GRID1: variants seen among roughly 807,000 people sequenced by gnomAD.
The protein encoded by GRID1 is glutamate receptor ionotropic, delta-1.
In GRID1, 28 loss-of-function variants were observed where a neutral mutation model predicts 98.0. The observed-to-expected ratio is 0.29, with a 90% CI of 0.21 to 0.39. GRID1 has a LOEUF of 0.39. Ranked by LOEUF, GRID1 falls within the 10% of genes least tolerant of loss-of-function variation. The pLI, the probability that GRID1 is intolerant of heterozygous loss-of-function variation, is 1.00. For synonymous variants in GRID1, 553 were observed against 538.5 expected (o/e 1.03, Z -0.37); for missense variants, 1,111 against 1,340.5 (o/e 0.83, Z 2.67).
chr10:85,687,158 G>T (rs938374205), intron 12 of GRID1, among the ~76,000 whole-genome samples: 3 of 151,850 alleles, frequency 2.0e-5, no homozygotes, highest in African/African-American at 7.3e-5. Flanking sequence ...GGATAATTTA[G>T]GAACCAATAT....
intron 4 of GRID1, among the ~76,000 whole-genome samples, chr10:86,050,308 T>C (rs1488311969): frequency 4.6e-5 from 7 of 152,366 alleles, no homozygotes; most frequent in Admixed American, 1.3e-4. Context: ...AAGAAGTATG[T>C]GTGTGTATAT....
intron 4 of GRID1, among the ~76,000 whole-genome samples, chr10:85,926,127 T>G (rs1204962276): frequency 6.6e-6 from 1 of 152,162 alleles, no homozygotes; most frequent in African/African-American, 2.4e-5. Context: ...GAGGAACTCC[T>G]GGCCCAGAAA....
intron 4 of GRID1, among the ~76,000 whole-genome samples, chr10:85,983,049 C>CA (rs915339050): frequency 3.3e-5 from 5 of 152,200 alleles, no homozygotes; most frequent in South Asian, 2.1e-4. Context: ...GGCCCAGAAA[C>CA]ACACAAATTT....
chr10:85,734,018 C>A (rs186175854), intron 8 of GRID1, among the ~76,000 whole-genome samples: 217 of 152,224 alleles, frequency 1.4e-3, no homozygotes, highest in African/African-American at 4.9e-3. Context: ...ATCACATGCA[C>A]TTGTACGACT....
chr10:85,740,209 G>A (rs1292079756), intron 8 of GRID1, among the ~76,000 whole-genome samples: 3 of 152,126 alleles, frequency 2.0e-5, no homozygotes, highest in Non-Finnish European at 4.4e-5. Flanking sequence ...TTCTTCCACA[G>A]ATGAGCTTGG....
intron 11 of GRID1, among the ~76,000 whole-genome samples, chr10:85,723,592 T>A (rs1398389262): frequency 1.3e-5 from 2 of 152,214 alleles, no homozygotes; most frequent in Non-Finnish European, 2.9e-5. Flanking sequence ...GGCTTTCTTT[T>A]AAACCTGAGA....
intron 5 of GRID1, among the ~76,000 whole-genome samples, chr10:85,873,718 C>T (rs1030057953): frequency 6.6e-6 from 1 of 152,168 alleles, no homozygotes; most frequent in African/African-American, 2.4e-5. Context: ...GTAAGCTAAA[C>T]AATGTGTATG....
chr10:86,093,052 A>G (rs1480384525), intron 4 of GRID1, among the ~76,000 whole-genome samples: 1 of 152,236 alleles, frequency 6.6e-6, no homozygotes, highest in Non-Finnish European at 1.5e-5. Flanking sequence ...ACAGTGGAAT[A>G]AAACTGGAAA....
chr10:86,138,754 C>T (rs1383790344), intron 4 of GRID1, 65 bp downstream of exon 4: 9 of 1,354,972 alleles, frequency 6.6e-6, no homozygotes, highest in Non-Finnish European at 9.5e-6. Flanking sequence ...CTGCAGCCCA[C>T]CTGAACCATC....
chr10:86,360,247 A>G (rs191638471), intron 2 of GRID1, among the ~76,000 whole-genome samples: 495 of 152,368 alleles, frequency 3.2e-3, no homozygotes, highest in Non-Finnish European at 5.5e-3. Flanking sequence ...TAGTGATTTC[A>G]GAAAAGGCCA....
intron 4 of GRID1, among the ~76,000 whole-genome samples, chr10:85,951,916 C>T (rs991595717): frequency 2.0e-5 from 3 of 152,214 alleles, no homozygotes; most frequent in Admixed American, 6.5e-5. Flanking sequence ...GTGAGGCCGA[C>T]GCCTTGCCTG....
At chr10:85,708,020 G>T (rs186711222) in intron 12 of GRID1, among the ~76,000 whole-genome samples, 2 of 151,114 alleles carry the variant, frequency 1.3e-5, no homozygotes, top group Admixed American at 1.3e-4. Context: ...GTTAAATGAC[G>T]AGTTAATGAG....
At chr10:86,210,985 C>A (rs1382200046) in intron 2 of GRID1, among the ~76,000 whole-genome samples, 1 of 152,236 alleles carries the variant, frequency 6.6e-6, no homozygotes, top group Non-Finnish European at 1.5e-5. Flanking sequence ...GCCCTGGTCA[C>A]AAGCTGGGAC....
At chr10:85,617,228 C>A (rs1248853913) in intron 14 of GRID1, among the ~76,000 whole-genome samples, 6 of 140,410 alleles carry the variant, frequency 4.3e-5, no homozygotes, top group East Asian at 5.2e-4. Context: ...CAACAAAGCC[C>A]CCCCCCCCTT....
intron 4 of GRID1, among the ~76,000 whole-genome samples, chr10:86,081,174 A>G (rs1843973450): frequency 6.6e-6 from 1 of 152,202 alleles, no homozygotes; most frequent in Admixed American, 6.5e-5. Flanking sequence ...TCTGTCGCCC[A>G]GGCTGGCCCA....
chr10:86,225,716 T>C (rs951407203), intron 2 of GRID1, among the ~76,000 whole-genome samples: 4 of 152,260 alleles, frequency 2.6e-5, no homozygotes, highest in African/African-American at 9.6e-5. Flanking sequence ...GCTCAGAAAC[T>C]TAGAGGTCCC....
chr10:86,186,285 G>A (rs79133956), intron 3 of GRID1, among the ~76,000 whole-genome samples: 5,135 of 152,206 alleles, frequency 0.034, 120 homozygotes, highest in Non-Finnish European at 0.049. Context: ...TCTGAAGTTG[G>A]TAATTTGTGT....
intron 8 of GRID1, among the ~76,000 whole-genome samples, chr10:85,797,671 T>C (rs1842538173): frequency 6.6e-6 from 1 of 150,516 alleles, no homozygotes; most frequent in Admixed American, 6.6e-5. Flanking sequence ...GGCTGGTCTC[T>C]AACTCCCAAC....
chr10:86,350,088 C>G (rs1374861999), intron 2 of GRID1, among the ~76,000 whole-genome samples: 2 of 152,204 alleles, frequency 1.3e-5, no homozygotes, highest in African/African-American at 4.8e-5. Flanking sequence ...ATAGTAGGAA[C>G]AGCATGTGCA....
Sources: allele counts gnomAD v4.1 joint callset (sites outside exome capture counted in the v4.1 genomes callset), GRCh38; gene constraint gnomAD v4.1.1; transcripts MANE v1.5; gene names NCBI Gene and HGNC (gene_info 2026-07-23, HGNC 2026-07-21).